The following NEGR1 variants were observed in gnomAD, a reference collection of about 807,000 sequenced individuals.
NEGR1 encodes IgLON family member 4.
NEGR1 carries 10 observed loss-of-function variants against 40.9 expected under a neutral mutation model. That is an observed-to-expected ratio of 0.24 (90% CI 0.15 to 0.42). The LOEUF (loss-of-function observed/expected upper bound fraction) is 0.42, where lower values mean the gene tolerates loss of function less well. Ranked by LOEUF, NEGR1 falls within the 10% of genes least tolerant of loss-of-function variation. The probability of loss-of-function intolerance (pLI) is 1.00; values close to 1 mark genes in which losing one functional copy is unlikely to be tolerated. For synonymous variants in NEGR1, 185 were observed against 166.8 expected (o/e 1.11, Z -0.84); for missense variants, 352 against 438.9 (o/e 0.80, Z 1.77).
chr1:72,229,407 CA>C (rs1218586216), intron 1 of NEGR1, among the ~76,000 whole-genome samples: 1 of 147,724 alleles, frequency 6.8e-6, no homozygotes, highest in Non-Finnish European at 1.5e-5. Flanking sequence ...TTTTAGGTAT[CA>C]ATAGCACATT....
intron 6 of NEGR1, among the ~76,000 whole-genome samples, chr1:71,435,110 C>CAAA (rs756919652): frequency 6.7e-6 from 1 of 150,128 alleles, no homozygotes; most frequent in African/African-American, 2.5e-5. Context: ...AACAAACAAA[C>CAAA]AAAAAAAAAA....
chr1:72,066,830 T>C (rs1466330900), intron 1 of NEGR1, among the ~76,000 whole-genome samples: 1 of 152,062 alleles, frequency 6.6e-6, no homozygotes, highest in African/African-American at 2.4e-5. Flanking sequence ...GGCGCTCCTA[T>C]CAGACAAAGA....
chr1:71,886,978 T>C (rs1660741236), intron 2 of NEGR1, among the ~76,000 whole-genome samples: 1 of 152,198 alleles, frequency 6.6e-6, no homozygotes, highest in Non-Finnish European at 1.5e-5. Context: ...AATTCATTTA[T>C]AACTTCTGAC....
At chr1:71,898,967 A>ATATG (rs1661060550) in intron 2 of NEGR1, among the ~76,000 whole-genome samples, 1 of 49,432 alleles carries the variant, frequency 2.0e-5, no homozygotes, top group Non-Finnish European at 3.7e-5. Context: ...TATATAGCAT[A>ATATG]TATATATATA....
At chr1:71,927,693 G>C (rs1395133093) in intron 2 of NEGR1, among the ~76,000 whole-genome samples, 1 of 151,312 alleles carries the variant, frequency 6.6e-6, no homozygotes, top group Non-Finnish European at 1.5e-5. Context: ...TATAATGGTA[G>C]TCCTGGCCAG....
intron 1 of NEGR1, among the ~76,000 whole-genome samples, chr1:72,099,360 T>C (rs979160084): frequency 1.3e-5 from 2 of 151,994 alleles, no homozygotes; most frequent in African/African-American, 4.8e-5. Context: ...TAAATATAAG[T>C]GAGATGCTTA....
intron 2 of NEGR1, among the ~76,000 whole-genome samples, chr1:71,906,312 C>A (rs570548535): frequency 1.3e-5 from 2 of 151,728 alleles, no homozygotes; most frequent in African/African-American, 4.8e-5. Flanking sequence ...AATGGGTGCA[C>A]CAAAATCTCA....
At chr1:72,277,515 A>G (rs1391433794) in intron 1 of NEGR1, among the ~76,000 whole-genome samples, 1 of 146,524 alleles carries the variant, frequency 6.8e-6, no homozygotes, top group African/African-American at 2.8e-5. Flanking sequence ...CTAGAAAATT[A>G]AAAACATTAT....
chr1:71,705,484 C>T (rs905194603), intron 3 of NEGR1, among the ~76,000 whole-genome samples: 3 of 152,132 alleles, frequency 2.0e-5, no homozygotes, highest in Non-Finnish European at 4.4e-5. Flanking sequence ...CATTTTTAAA[C>T]CACATATTAA....
At chr1:72,234,669 A>G (rs1557591107) in intron 1 of NEGR1, among the ~76,000 whole-genome samples, 1 of 152,152 alleles carries the variant, frequency 6.6e-6, no homozygotes, top group Non-Finnish European at 1.5e-5. Context: ...CATCTGGCCA[A>G]CTATCATATT....
At chr1:71,577,766 C>T (rs1211312049) in intron 6 of NEGR1, among the ~76,000 whole-genome samples, 1 of 152,166 alleles carries the variant, frequency 6.6e-6, no homozygotes, top group Admixed American at 6.5e-5. Flanking sequence ...AATAACCTAA[C>T]ATAATATTTT....
intron 3 of NEGR1, among the ~76,000 whole-genome samples, chr1:71,773,181 G>T (rs1656389395): frequency 6.6e-6 from 1 of 152,076 alleles, no homozygotes. Flanking sequence ...ATCATCCTGT[G>T]ACCAACCACT....
intron 1 of NEGR1, among the ~76,000 whole-genome samples, chr1:72,113,297 C>T (rs1263622076): frequency 2.0e-5 from 3 of 151,472 alleles, no homozygotes; most frequent in African/African-American, 7.3e-5. Context: ...TTATTGACAA[C>T]CCAGGTGAAT....
chr1:71,495,255 G>T (rs1177033740), intron 6 of NEGR1, among the ~76,000 whole-genome samples: 1 of 152,032 alleles, frequency 6.6e-6, no homozygotes, highest in African/African-American at 2.4e-5. Context: ...AAGGTGGGTG[G>T]ATCACTTGAG....
chr1:71,551,265 G>C (rs1026811027), intron 6 of NEGR1, among the ~76,000 whole-genome samples: 1 of 151,382 alleles, frequency 6.6e-6, no homozygotes, highest in Non-Finnish European at 1.5e-5. Context: ...TTTAGTTTTG[G>C]GGTACGTACT....
At chr1:71,862,730 A>C (rs1198716978) in intron 2 of NEGR1, among the ~76,000 whole-genome samples, 7 of 152,098 alleles carry the variant, frequency 4.6e-5, no homozygotes, top group Admixed American at 3.3e-4. Context: ...AGAGTTTACA[A>C]GGGACTTAAA....
intron 1 of NEGR1, among the ~76,000 whole-genome samples, chr1:72,133,909 T>A (rs1650349564): frequency 6.6e-6 from 1 of 151,918 alleles, no homozygotes; most frequent in Admixed American, 6.6e-5. Flanking sequence ...TTCCAAATTC[T>A]GCACAAAGAA....
chr1:71,448,990 G>A (rs530423258), intron 6 of NEGR1, among the ~76,000 whole-genome samples: 10 of 152,206 alleles, frequency 6.6e-5, no homozygotes, highest in East Asian at 1.9e-4. Flanking sequence ...AGAGGAACCC[G>A]AGGCTGTCAT....
intron 3 of NEGR1, among the ~76,000 whole-genome samples, chr1:71,761,104 A>G (rs1381480080): frequency 6.6e-6 from 1 of 152,206 alleles, no homozygotes; most frequent in Non-Finnish European, 1.5e-5. Context: ...AAGTTTTAAT[A>G]TGCTAAATCT....
Sources: gnomAD v4.1 joint callset for allele counts (sites outside exome capture counted in the v4.1 genomes callset) on GRCh38, gnomAD v4.1.1 for gene constraint, MANE v1.5 for transcripts, NCBI Gene and HGNC (gene_info 2026-07-23, HGNC 2026-07-21) for gene names.